Variants in SYT14 observed in about 807,000 individuals in gnomAD.
SYT14 encodes synaptotagmin 14.
SYT14 carries 32 observed loss-of-function variants against 74.2 expected under a neutral mutation model. That is an observed-to-expected ratio of 0.43 (90% CI 0.33 to 0.58). SYT14 has a LOEUF of 0.58. Among genes scored for constraint, SYT14 ranks in the 20% least tolerant of loss-of-function variants. The pLI is 0.05. For missense variants in SYT14, 791 were observed against 981.8 expected (o/e 0.81, Z 2.60); for synonymous variants, 298 against 337.7 (o/e 0.88, Z 1.29).
At chr1:209,993,395 C>T (rs1024571432) in intron 2 of SYT14, among the ~76,000 whole-genome samples, 15 of 152,354 alleles carry the variant, frequency 9.8e-5, no homozygotes, top group African/African-American at 3.4e-4. Flanking sequence ...GGCCCAGAAA[C>T]ACTTGTAATT....
chr1:209,979,012 G>T (rs948322042), intron 2 of SYT14, among the ~76,000 whole-genome samples: 3 of 152,192 alleles, frequency 2.0e-5, no homozygotes, highest in African/African-American at 7.2e-5. Context: ...GCCAGGCGCG[G>T]GATATAATCT....
At chr1:210,157,909 T>C (rs909444626) in intron 8 of SYT14, among the ~76,000 whole-genome samples, 1 of 152,136 alleles carries the variant, frequency 6.6e-6, no homozygotes, top group Non-Finnish European at 1.5e-5. Flanking sequence ...CCAAATAACA[T>C]TGGAAAGCTT....
intron 5 of SYT14, among the ~76,000 whole-genome samples, chr1:210,023,609 T>C (rs2080348374): frequency 6.6e-6 from 1 of 152,166 alleles, no homozygotes; most frequent in African/African-American, 2.4e-5. Context: ...CCCAAAGTGC[T>C]GGGATTACAG....
intron 1 of SYT14, among the ~76,000 whole-genome samples, chr1:209,944,224 A>G (rs569676946): frequency 5.9e-5 from 9 of 152,246 alleles, no homozygotes; most frequent in African/African-American, 2.2e-4. Flanking sequence ...TCAGTTGACT[A>G]GAAAATTCAC....
chr1:210,152,693 A>T (rs2083189563), intron 7 of SYT14, among the ~76,000 whole-genome samples: 1 of 151,802 alleles, frequency 6.6e-6, no homozygotes, highest in Non-Finnish European at 1.5e-5. Context: ...AACCCCAGAA[A>T]CTCCCATCCT....
At chr1:209,976,564 A>G (rs2079368978) in intron 2 of SYT14, among the ~76,000 whole-genome samples, 1 of 151,512 alleles carries the variant, frequency 6.6e-6, no homozygotes, top group South Asian at 2.1e-4. Flanking sequence ...CTGTGGTCTG[A>G]GAGACAGTTT....
intron 2 of SYT14, among the ~76,000 whole-genome samples, chr1:209,981,515 A>G (rs1323731361): frequency 7.5e-6 from 1 of 134,226 alleles, no homozygotes. Context: ...GCAGTGTTGC[A>G]ATTGTAGCTC....
At chr1:210,020,338 G>T in intron 4 of SYT14, among the ~76,000 whole-genome samples, 1 of 152,102 alleles carries the variant, frequency 6.6e-6, no homozygotes, top group Non-Finnish European at 1.5e-5. Context: ...GCAGTGAATT[G>T]TCTCAAAAAT....
intron 5 of SYT14, among the ~76,000 whole-genome samples, chr1:210,061,926 G>A (rs1036624287): frequency 2.1e-4 from 32 of 151,582 alleles, no homozygotes; most frequent in African/African-American, 7.7e-4. Context: ...TAAGACTACT[G>A]TAGTTGCCTT....
At chr1:210,143,542 T>G (rs2082965332) in intron 7 of SYT14, among the ~76,000 whole-genome samples, 1 of 152,134 alleles carries the variant, frequency 6.6e-6, no homozygotes, top group Admixed American at 6.6e-5. Flanking sequence ...AGCGCTATAT[T>G]CAATATTTTA....
chr1:209,951,384 T>C (rs945243782), intron 1 of SYT14, among the ~76,000 whole-genome samples: 1 of 152,224 alleles, frequency 6.6e-6, no homozygotes, highest in Non-Finnish European at 1.5e-5. Flanking sequence ...GATCATGCAG[T>C]ATCTGTCCTT....
intron 7 of SYT14, among the ~76,000 whole-genome samples, chr1:210,132,568 TG>T (rs869059203): frequency 4.5e-3 from 89 of 19,794 alleles, no homozygotes; most frequent in South Asian, 7.7e-3. Flanking sequence ...TTTTATATAT[TG>T]TGTGTGTGTG....
At chr1:210,013,600 A>C (rs1442148994) in intron 2 of SYT14, 33 bp from the exon 3 acceptor site, 4 of 1,596,906 alleles carry the variant, frequency 2.5e-6, no homozygotes, top group Non-Finnish European at 2.6e-6. Context: ...AAGAAAAATA[A>C]ATGCTTACAG....
chr1:209,986,437 C>T (rs1244083318), intron 2 of SYT14, among the ~76,000 whole-genome samples: 1 of 151,902 alleles, frequency 6.6e-6, no homozygotes, highest in Non-Finnish European at 1.5e-5. Context: ...AACCCTGCCT[C>T]TACTAAAAAT....
At chr1:209,945,898 A>G (rs2102656313) in intron 1 of SYT14, among the ~76,000 whole-genome samples, 1 of 152,264 alleles carries the variant, frequency 6.6e-6, no homozygotes, top group Admixed American at 6.5e-5. Context: ...AACTCTGTTG[A>G]ATGAATCTAT....
chr1:209,983,434 A>G (rs1054843704), intron 2 of SYT14, among the ~76,000 whole-genome samples: 2 of 151,662 alleles, frequency 1.3e-5, no homozygotes, highest in Non-Finnish European at 2.9e-5. Context: ...GGTCATTTCA[A>G]TGGTTTTATC....
chr1:209,942,368 C>G (rs1012897500), intron 1 of SYT14, among the ~76,000 whole-genome samples: 7 of 132,340 alleles, frequency 5.3e-5, no homozygotes, highest in Non-Finnish European at 8.0e-5. Context: ...TTACCCCCCC[C>G]CCCCCGCTCT....
At chr1:210,091,346 T>A (rs1274018907) in intron 5 of SYT14, among the ~76,000 whole-genome samples, 1 of 152,126 alleles carries the variant, frequency 6.6e-6, no homozygotes, top group Non-Finnish European at 1.5e-5. Flanking sequence ...CAGAAAAGGA[T>A]TATTATATTG....
At chr1:210,063,915 TC>T (rs1210272074) in intron 5 of SYT14, among the ~76,000 whole-genome samples, 1 of 151,884 alleles carries the variant, frequency 6.6e-6, no homozygotes, top group Non-Finnish European at 1.5e-5. Context: ...ATAACAGCCT[TC>T]TAATCTTTTA....
Sources: gnomAD v4.1 joint callset for allele counts (sites outside exome capture counted in the v4.1 genomes callset) on GRCh38, gnomAD v4.1.1 for gene constraint, MANE v1.5 for transcripts, NCBI Gene and HGNC (gene_info 2026-07-23, HGNC 2026-07-21) for gene names.